The following LOC128462377 variants were observed in gnomAD, a reference collection of about 807,000 sequenced individuals.
chr16:89,397,214 G>C, the LOC128462377 span, among the ~76,000 whole-genome samples: 3 of 152,168 alleles, frequency 2.0e-5, no homozygotes, highest in Non-Finnish European at 2.9e-5. Flanking sequence ...CTGAGGATGA[G>C]GACCTGGGTG....
chr16:89,341,649 G>A, the LOC128462377 span, among the ~76,000 whole-genome samples: 3 of 152,246 alleles, frequency 2.0e-5, no homozygotes, highest in African/African-American at 7.2e-5. Context: ...AACACTGGGA[G>A]CAATGCCACG....
At chr16:89,397,295 G>A in the LOC128462377 span, among the ~76,000 whole-genome samples, 1 of 152,190 alleles carries the variant, frequency 6.6e-6, no homozygotes, top group African/African-American at 2.4e-5. Flanking sequence ...AACCCCCTCA[G>A]GGCAAGGCCT....
the LOC128462377 span, among the ~76,000 whole-genome samples, chr16:89,334,374 A>ACCT: frequency 6.6e-6 from 1 of 151,676 alleles, no homozygotes; most frequent in East Asian, 1.9e-4. Flanking sequence ...AACAGAAACA[A>ACCT]CCTCCTCTCA....
At chr16:89,350,157 C>T in the LOC128462377 span, among the ~76,000 whole-genome samples, 1 of 152,096 alleles carries the variant, frequency 6.6e-6, no homozygotes, top group Non-Finnish European at 1.5e-5. Context: ...ACTAGAATGG[C>T]TAAAATGGAA....
the LOC128462377 span, among the ~76,000 whole-genome samples, chr16:89,330,772 C>T: frequency 2.0e-5 from 3 of 151,458 alleles, no homozygotes; most frequent in African/African-American, 7.3e-5. Context: ...CAACCTCTAG[C>T]CCACACTCTG....
the LOC128462377 span, among the ~76,000 whole-genome samples, chr16:89,319,415 C>T: frequency 7.9e-5 from 12 of 152,236 alleles, no homozygotes; most frequent in Admixed American, 1.3e-4. Flanking sequence ...CTTTTCACGG[C>T]CTGCATCACA....
chr16:89,403,254 G>A, the LOC128462377 span, among the ~76,000 whole-genome samples: 4 of 152,124 alleles, frequency 2.6e-5, no homozygotes, highest in Admixed American at 6.5e-5. Flanking sequence ...TATCTGATGC[G>A]CACTCACTCA....
chr16:89,393,611 G>A, the LOC128462377 span, among the ~76,000 whole-genome samples: 1 of 151,872 alleles, frequency 6.6e-6, no homozygotes, highest in African/African-American at 2.4e-5. Context: ...CAAAGTGGTG[G>A]GATTACAGGA....
chr16:89,320,029 CGT>C, the LOC128462377 span: 2 of 152,448 alleles, frequency 1.3e-5, no homozygotes, highest in South Asian at 4.1e-4. Flanking sequence ...GTTACTCAGC[CGT>C]GTCAGTGACT....
the LOC128462377 span, among the ~76,000 whole-genome samples, chr16:89,413,766 C>G: frequency 3.3e-5 from 5 of 152,214 alleles, no homozygotes; most frequent in Non-Finnish European, 7.3e-5. Context: ...AAACAGCCGA[C>G]AAGCTCCCCA....
the LOC128462377 span, among the ~76,000 whole-genome samples, chr16:89,386,682 G>C: frequency 0.012 from 1,824 of 152,326 alleles, 35 homozygotes; most frequent in African/African-American, 0.042. Flanking sequence ...CCTTCTGCTA[G>C]GTGGAAAAGC....
the LOC128462377 span, among the ~76,000 whole-genome samples, chr16:89,381,331 CAAA>C: frequency 1.4e-4 from 11 of 76,360 alleles, no homozygotes; most frequent in South Asian, 1.0e-3. Context: ...GACTCTGCTG[CAAA>C]AAAAAAAAAA....
the LOC128462377 span, among the ~76,000 whole-genome samples, chr16:89,374,399 T>C: frequency 6.6e-6 from 1 of 152,128 alleles, no homozygotes; most frequent in Non-Finnish European, 1.5e-5. Flanking sequence ...TGACTACTTC[T>C]GTTCTACATG....
chr16:89,357,528 C>A, the LOC128462377 span, among the ~76,000 whole-genome samples: 1 of 152,150 alleles, frequency 6.6e-6, no homozygotes, highest in African/African-American at 2.4e-5. Context: ...GGTAGATATA[C>A]AAAAGAACTG....
chr16:89,403,849 T>C, the LOC128462377 span: 2 of 152,142 alleles, frequency 1.3e-5, no homozygotes, highest in African/African-American at 4.8e-5. Flanking sequence ...AGGGGCATCA[T>C]TTCAGTCCAA....
At chr16:89,340,458 A>G in the LOC128462377 span, among the ~76,000 whole-genome samples, 1 of 152,182 alleles carries the variant, frequency 6.6e-6, no homozygotes, top group Non-Finnish European at 1.5e-5. Flanking sequence ...TATTTTTAGT[A>G]GAGATGGGGT....
At chr16:89,346,082 C>G in the LOC128462377 span, among the ~76,000 whole-genome samples, 1 of 150,124 alleles carries the variant, frequency 6.7e-6, no homozygotes, top group African/African-American at 2.5e-5. Context: ...TCTCCACTAA[C>G]AACACAAAAA....
the LOC128462377 span, among the ~76,000 whole-genome samples, chr16:89,407,274 G>A: frequency 1.3e-5 from 2 of 151,510 alleles, no homozygotes; most frequent in Non-Finnish European, 2.9e-5. Flanking sequence ...GACAGAAAAA[G>A]ACTCATATTT....
the LOC128462377 span, among the ~76,000 whole-genome samples, chr16:89,343,499 G>C: frequency 6.6e-6 from 1 of 152,202 alleles, no homozygotes; most frequent in African/African-American, 2.4e-5. Flanking sequence ...ATGTGTGAGT[G>C]AGTGAGCGAG....
Sources: allele counts gnomAD v4.1 joint callset (sites outside exome capture counted in the v4.1 genomes callset), GRCh38; gene constraint gnomAD v4.1.1; transcripts MANE v1.5.